Variants in ECHDC3 observed in about 807,000 individuals in gnomAD.
The protein encoded by ECHDC3 is enoyl-CoA hydratase domain containing 3.
In ECHDC3, 20 loss-of-function variants were observed where a neutral mutation model predicts 17.9. That is an observed-to-expected ratio of 1.12 (90% CI 0.79 to 1.63). The LOEUF is 1.63. Ranked by LOEUF, ECHDC3 falls within the 40% of genes most tolerant of loss-of-function variation. The pLI is 0.00. For synonymous variants in ECHDC3, 177 were observed against 149.7 expected, an observed-to-expected ratio of 1.18 and a Z score of -1.33; for missense variants, 407 against 357.7, an observed-to-expected ratio of 1.14 and a Z score of -1.11.
chr10:11,748,753 G>T (rs980639723), intron 2 of ECHDC3, among the ~76,000 whole-genome samples: 1 of 152,124 alleles, frequency 6.6e-6, no homozygotes. Context: ...GGGCGTGGGG[G>T]CAGGCACCTG....
chr10:11,746,585 A>T (rs1424511329), intron 1 of ECHDC3, among the ~76,000 whole-genome samples: 1 of 152,126 alleles, frequency 6.6e-6, no homozygotes, highest in East Asian at 1.9e-4. Context: ...GTGTCAAAAC[A>T]TCCCATGTAC....
In ECHDC3 at chr10:11,755,434, C is replaced by T. The variant is rs752766489; in HGVS notation, c.417C>T (p.Pro139=). ...SKVMMHIRNH[P]VPVIAMVNGL... is the part of the protein sequence containing the mutation. Reference sequence around the variant, plus strand: ...TCATGATGCACATCCGGAACCACCCCGTTCCCGTCATTGCCATGGTCAATG... The same window carrying T: ...TCATGATGCACATCCGGAACCACCCTGTTCCCGTCATTGCCATGGTCAATG... Residue 139 remains proline (P), a synonymous_variant, in exon 4 of 5, where the codon CCC becomes CCT. Transcript: ENST00000379215. 16 of 1,613,592 alleles carry T rather than the reference C, an allele frequency of 9.9e-6. No individual in the cohort carries two copies. Among genetic ancestry groups the T allele is most frequent in the Admixed American group, 5.0e-5 (3 of 59,996 alleles).
rs769925734 is a variant in ECHDC3 at position 11,747,462 on chromosome 10, T to G, written c.284T>G (p.Ile95Ser). The change falls in exon 2 of 5, where the codon ATC (isoleucine) becomes AGC (serine). Residue 95 changes from isoleucine to serine, a missense_variant. Ile to Ser is a moderately radical substitution (Grantham distance 142). Coordinates refer to ENST00000379215, the MANE Select transcript of ECHDC3 (RefSeq NM_024693.5). ...GACAGCAACGATCTGAAAGTCATTATCATCTCGGGTATGTATCTGATATCT... is the reference window on the plus strand; with the variant it reads ...GACAGCAACGATCTGAAAGTCATTAGCATCTCGGGTATGTATCTGATATCT... ...DADSNDLKVI[I>S]ISAEGPVFSS... The G allele has an allele frequency of 1.1e-5, 18 of 1,613,664 alleles. No individual in the cohort carries two copies. The South Asian group carries it at 2.0e-4, about 18-fold the overall frequency.
Position 11,763,110 on chromosome 10 carries a change from G to C in ECHDC3, c.592-114G>C. 1 of 625,250 alleles carries C rather than the reference G, an allele frequency of 1.6e-6. No individual in the cohort carries two copies. Among genetic ancestry groups the C allele is most frequent in the South Asian group, 1.9e-5 (1 of 53,790 alleles). 38.7% of individuals were successfully genotyped at this position (625,250 alleles called of 1,614,324 possible). A position where few individuals can be genotyped will look rare whatever the true frequency, so the allele number is the denominator to read the frequency against. Reference sequence around the variant, plus strand: ...GGAGTTAGGGCACTGAAGACGTCAGGGCTGGCGGATGACGTGGTATTTGAG... The same window carrying C: ...GGAGTTAGGGCACTGAAGACGTCAGCGCTGGCGGATGACGTGGTATTTGAG... On this transcript the variant is annotated intron_variant, in intron 4 of 4. Coordinates refer to ENST00000379215, the MANE Select transcript of ECHDC3 (RefSeq NM_024693.5). The surrounding 1 kb of genome is among the most constrained non-coding windows in gnomAD (Gnocchi z 4.9).
Position 11,742,724 on chromosome 10 carries a change from G to C in ECHDC3, c.148G>C (p.Ala50Pro). 8.1e-7 allele frequency: 1 copy of C among 1,234,516 alleles called. No individual in the cohort carries two copies. The highest frequency in any genetic ancestry group is 3.6e-5 in the South Asian group (1 of 27,416). The allele number at this position is 1,234,516 out of a possible 1,614,324, so 76.5% of individuals were successfully genotyped here. Residue 50 changes from alanine (A) to proline (P), a missense_variant, in exon 1 of 5, where the codon GCG (alanine) becomes CCG (proline). Coordinates refer to ENST00000379215, the MANE Select transcript of ECHDC3 (RefSeq NM_024693.5). ...GGAGTCGGAGCCGCGGCCCACCAGC[G>C]CGCGGCAGCTGGACGGCATAAGGTC... ...RRESEPRPTSARQLDGIRNIV... is the reference protein window; with the variant it reads ...RRESEPRPTSPRQLDGIRNIV...
intron 2 of ECHDC3, among the ~76,000 whole-genome samples, chr10:11,747,971 G>A (rs1380617961): frequency 1.3e-5 from 2 of 152,096 alleles, no homozygotes; most frequent in East Asian, 3.9e-4. Context: ...GATGGGACTG[G>A]TATAAATAAT....
At chr10:11,748,351 T>C (rs946345304) in intron 2 of ECHDC3, among the ~76,000 whole-genome samples, 1 of 152,198 alleles carries the variant, frequency 6.6e-6, no homozygotes, top group Non-Finnish European at 1.5e-5. Flanking sequence ...CTCAGTCTCC[T>C]GAGTAGCTGG....
chr10:11,757,523 T>C (rs1832896974), intron 4 of ECHDC3, among the ~76,000 whole-genome samples: 1 of 152,120 alleles, frequency 6.6e-6, no homozygotes, highest in African/African-American at 2.4e-5. Flanking sequence ...GCAAAAAATC[T>C]CCAGACAGCC....
chr10:11,763,844 T>G lies in ECHDC3; in HGVS notation c.*300T>G. 1 of 1,099,580 alleles carries G rather than the reference T, an allele frequency of 9.1e-7. No homozygotes were observed. The highest frequency in any genetic ancestry group is 6.5e-5 in the East Asian group (1 of 15,300). The allele number at this position is 1,099,580 out of a possible 1,614,324, so 68.1% of individuals were successfully genotyped here. On this transcript the variant is annotated 3_prime_UTR_variant, in exon 5 of 5. Coordinates refer to ENST00000379215, the MANE Select transcript of ECHDC3 (RefSeq NM_024693.5). The surrounding 1 kb of genome is among the most constrained non-coding windows in gnomAD (Gnocchi z 4.9). ...GTCTTAAGCAAGCGACCCCCCGACATAGCAAAAGGTGGCAACCCATGGAGG... is the reference window on the plus strand; with the variant it reads ...GTCTTAAGCAAGCGACCCCCCGACAGAGCAAAAGGTGGCAACCCATGGAGG...
chr10:11,757,418 A>C (rs148700241), intron 4 of ECHDC3, among the ~76,000 whole-genome samples: 1 of 152,348 alleles, frequency 6.6e-6, no homozygotes, highest in African/African-American at 2.4e-5. Context: ...AGTTCCAAGG[A>C]AGCCCAGTCT....
At chr10:11,742,907 TG>T in intron 1 of ECHDC3, 161 bp downstream of exon 1, 1 of 860,324 alleles carries the variant, frequency 1.2e-6, no homozygotes, top group Non-Finnish European at 1.5e-6. Context: ...GACGCGCAGG[TG>T]GGATTGTAGG....
chr10:11,751,744 C>T (rs996294679), intron 3 of ECHDC3, among the ~76,000 whole-genome samples: 6 of 152,308 alleles, frequency 3.9e-5, no homozygotes, highest in South Asian at 2.1e-4. Flanking sequence ...CCTGCCATGG[C>T]GCTCAGGTTA....
rs1832708821 is a variant in ECHDC3 at position 11,742,685 on chromosome 10, G to A, written c.109G>A (p.Gly37Arg). Residue 37 changes from glycine to arginine, a missense_variant, in exon 1 of 5, where the codon GGG becomes AGG. Physicochemically the swap from Gly to Arg is moderately radical, Grantham distance 125 (BLOSUM62 -2). Transcript: ENST00000379215. Reference sequence around the variant, plus strand: ...CCGCTTCTGCAGCCGGGACCCGGCCGGGGCGGGGCGGCGGGAGTCGGAGCC... The same window carrying A: ...CCGCTTCTGCAGCCGGGACCCGGCCAGGGCGGGGCGGCGGGAGTCGGAGCC... ...PARFCSRDPA[G>R]AGRRESEPRP... 1.6e-6 allele frequency: 2 copies of A among 1,244,084 alleles called. No homozygotes were observed. Among genetic ancestry groups the A allele is most frequent in the South Asian group, 3.4e-5 (1 of 29,508 alleles). 77.1% of individuals were successfully genotyped at this position (1,244,084 alleles called of 1,614,324 possible).
intron 4 of ECHDC3, among the ~76,000 whole-genome samples, chr10:11,759,356 T>TAAAAAAAAAAAA (rs151106517): frequency 1.3e-4 from 17 of 127,368 alleles, no homozygotes; most frequent in African/African-American, 5.1e-4. Context: ...CTCCATCTCT[T>TAAAAAAAAAAAA]AAAAAAAAAA....
rs377496338 is a variant in ECHDC3, at chr10:11,755,545, G to C, written c.528G>C (p.Gly176=). Residue 176 remains glycine (G), a synonymous_variant, in exon 4 of 5, where the codon GGG becomes GGC. Coordinates refer to ENST00000379215, the MANE Select transcript of ECHDC3 (RefSeq NM_024693.5). ...ASDKSSFATP[G]VNVGLFCSTP... ...ACAAGTCCTCTTTTGCCACTCCTGG[G>C]GTGAACGTCGGGCTCTTCTGTTCTA... 1.2e-5 allele frequency: 20 copies of C among 1,613,980 alleles called. No homozygotes were observed. Among genetic ancestry groups the C allele is most frequent in the African/African-American group, 9.3e-5 (7 of 74,918 alleles).
chr10:11,759,883 A>T (rs1832928391), intron 4 of ECHDC3, among the ~76,000 whole-genome samples: 1 of 152,196 alleles, frequency 6.6e-6, no homozygotes, highest in Admixed American at 6.5e-5. Flanking sequence ...GCTATCTCTA[A>T]TCCTTGCAAT....
At chr10:11,754,265 G>A (rs1282628630) in intron 3 of ECHDC3, among the ~76,000 whole-genome samples, 1 of 139,454 alleles carries the variant, frequency 7.2e-6, no homozygotes, top group African/African-American at 2.6e-5. Flanking sequence ...TCAAATCAAT[G>A]AAGGTCATTT....
At chr10:11,753,831 A>G (rs1017384036) in intron 3 of ECHDC3, among the ~76,000 whole-genome samples, 52 of 152,064 alleles carry the variant, frequency 3.4e-4, no homozygotes, top group African/African-American at 1.2e-3. Flanking sequence ...CTAGAGTGCA[A>G]TGGCGCGATC....
chr10:11,750,409 C>T (rs1269319566), intron 3 of ECHDC3, among the ~76,000 whole-genome samples: 1 of 152,156 alleles, frequency 6.6e-6, no homozygotes, highest in Non-Finnish European at 1.5e-5. Context: ...CCTTTATAAT[C>T]ACCACCTCCA....
Sources: gnomAD v4.1 joint callset for allele counts (sites outside exome capture counted in the v4.1 genomes callset) on GRCh38, gnomAD v4.1.1 for gene constraint, Gnocchi (gnomAD v3.1) non-coding constraint, MANE v1.5 for transcripts, NCBI Gene and HGNC (gene_info 2026-07-23, HGNC 2026-07-21) for gene names.